PRKCQ: variants seen among roughly 807,000 people sequenced by gnomAD.
The protein encoded by PRKCQ is protein kinase C theta type.
A neutral mutation model predicts 91.2 loss-of-function variants in PRKCQ; 41 were observed. That is an observed-to-expected ratio of 0.45 (90% CI 0.35 to 0.58). The LOEUF (loss-of-function observed/expected upper bound fraction) is 0.58, where lower values mean the gene tolerates loss of function less well. Among genes scored for constraint, PRKCQ ranks in the 20% least tolerant of loss-of-function variants. PRKCQ has a pLI of 0.00. For missense variants in PRKCQ, 673 were observed against 896.5 expected, an observed-to-expected ratio of 0.75 and a Z score of 3.18; for synonymous variants, 307 against 316.9, an observed-to-expected ratio of 0.97 and a Z score of 0.33.
intron 1 of PRKCQ, among the ~76,000 whole-genome samples, chr10:6,542,142 A>G (rs1331141013): frequency 6.6e-6 from 1 of 152,212 alleles, no homozygotes; most frequent in Non-Finnish European, 1.5e-5. Flanking sequence ...TACAAAGCTC[A>G]ATGAAGGACA....
At position 6,428,008 on chromosome 10, in the gene PRKCQ, C is replaced by G; in HGVS notation, c.*199G>C. Reference sequence around the variant, plus strand: ...AGCGTCTGTGAGACATGTCAGGAGACGAGACACACGGCATCGTCATTAGTG... The same window carrying G: ...AGCGTCTGTGAGACATGTCAGGAGAGGAGACACACGGCATCGTCATTAGTG... On this transcript the variant is annotated 3_prime_UTR_variant, in exon 18 of 18. Coordinates refer to ENST00000263125, the MANE Select transcript of PRKCQ (RefSeq NM_006257.5). The G allele has an allele frequency of 1.6e-6, 1 of 625,736 alleles. No individual in the cohort carries two copies. The highest frequency in any genetic ancestry group is 3.0e-5 in the Admixed American group (1 of 32,956). 38.8% of individuals were successfully genotyped at this position (625,736 alleles called of 1,614,324 possible).
At chr10:6,574,400 C>T (rs1462317865) in intron 1 of PRKCQ, among the ~76,000 whole-genome samples, 1 of 152,178 alleles carries the variant, frequency 6.6e-6, no homozygotes, top group African/African-American at 2.4e-5. Context: ...GACAACTCTA[C>T]GGGACAGTCT....
At chr10:6,543,100 GCT>G (rs1024025211) in intron 1 of PRKCQ, among the ~76,000 whole-genome samples, 4 of 152,190 alleles carry the variant, frequency 2.6e-5, no homozygotes, top group Admixed American at 6.5e-5. Context: ...TCCCTGGAGA[GCT>G]CAGCCCTTTC....
At chr10:6,555,989 A>G (rs1840397530) in intron 1 of PRKCQ, among the ~76,000 whole-genome samples, 1 of 152,198 alleles carries the variant, frequency 6.6e-6, no homozygotes, top group South Asian at 2.1e-4. Flanking sequence ...AGCCTGGGTA[A>G]CAGAGCGAGA....
chr10:6,407,686 G>A, the PRKCQ span, among the ~76,000 whole-genome samples: 1 of 151,928 alleles, frequency 6.6e-6, no homozygotes, highest in South Asian at 2.1e-4. This position sits in a 1 kb window ranked among gnomAD's most constrained non-coding sequence, Gnocchi z 4.0. Context: ...TGCATGTGAC[G>A]TGTACATACA....
Position 6,574,766 on chromosome 10 carries a change from T to TGCAA in PRKCQ, c.-10+5441_-10+5444dup, listed in dbSNP as rs546445229. Among the ~76,000 whole-genome samples the TGCAA allele has an allele frequency of 3.8e-4, 58 of 152,342 alleles. No individual in the cohort carries two copies. The East Asian group carries it at 9.8e-3, about 26-fold the overall frequency. ...CTTACTCTGCTCATTTCCACTCATC[T>TGCAA]GCAAGGCTTAGACTGGACTGCACTG... On this transcript the variant is annotated intron_variant, in intron 1 of 17. Coordinates refer to ENST00000263125, the MANE Select transcript of PRKCQ (RefSeq NM_006257.5).
rs1841232961 is a variant in PRKCQ at position 6,576,250 on chromosome 10, T to C, written c.-10+3961A>G. 6.6e-6 allele frequency among the ~76,000 whole-genome samples: 1 copy of C among 152,158 alleles called. No individual in the cohort carries two copies. The highest frequency in any genetic ancestry group is 2.4e-5 in the African/African-American group (1 of 41,416). ...GAAAGCAGGACCTCAAACAGATATCTGCGTGTTCCTCTTCACGGCAGCATT... is the reference window on the plus strand; with the variant it reads ...GAAAGCAGGACCTCAAACAGATATCCGCGTGTTCCTCTTCACGGCAGCATT... On this transcript the variant is annotated intron_variant, in intron 1 of 17. Coordinates refer to ENST00000263125, the MANE Select transcript of PRKCQ (RefSeq NM_006257.5). This position sits in a 1 kb window ranked among gnomAD's most constrained non-coding sequence, Gnocchi z 4.2.
chr10:6,542,433 G>A (rs754115022), intron 1 of PRKCQ, among the ~76,000 whole-genome samples: 1 of 152,234 alleles, frequency 6.6e-6, no homozygotes, highest in East Asian at 1.9e-4. Flanking sequence ...TACTCATTGA[G>A]CATGGATTTT....
chr10:6,404,255 G>GGAGAGAGAGAGAGAGAGAGAGA, the PRKCQ span, among the ~76,000 whole-genome samples: 3 of 34,360 alleles, frequency 8.7e-5, no homozygotes, highest in African/African-American at 2.5e-4. Flanking sequence ...GAAGGGGGGG[G>GGAGAGAGAGAGAGAGAGAGAGA]GAGAGAGAGA....
At chr10:6,481,065 C>T (rs1836572141) in intron 11 of PRKCQ, among the ~76,000 whole-genome samples, 2 of 152,166 alleles carry the variant, frequency 1.3e-5, no homozygotes, top group Non-Finnish European at 2.9e-5. Context: ...AGAGAAACAG[C>T]CATCCTGTCT....
rs1834368989 is a variant in PRKCQ at position 6,447,375 on chromosome 10, C to T, written c.1648-5294G>A. Among the ~76,000 whole-genome samples, 4 of 149,254 alleles carry T rather than the reference C, an allele frequency of 2.7e-5. No individual in the cohort carries two copies. In the South Asian group the frequency reaches 8.4e-4, roughly 31 times the overall value. ...CGAGCCATGATTGTGCCACTGCACT[C>T]CAGCCTGGGCAACAGAGCAAGACTC... is the stretch of plus-strand genomic sequence containing the variant. On this transcript the variant is annotated intron_variant, in intron 15 of 17. Transcript: ENST00000263125.
intron 1 of PRKCQ, among the ~76,000 whole-genome samples, chr10:6,579,921 G>A (rs1841402249): frequency 6.6e-6 from 1 of 151,248 alleles, no homozygotes; most frequent in African/African-American, 2.4e-5. Flanking sequence ...CAGGTGAGAA[G>A]GAAAAGGGAG....
intron 14 of PRKCQ, among the ~76,000 whole-genome samples, chr10:6,460,650 C>T (rs1008153585): frequency 1.3e-5 from 2 of 152,158 alleles, no homozygotes; most frequent in Non-Finnish European, 2.9e-5. Context: ...GGCCACTACA[C>T]CCAGCTAATT....
rs1300189239 is a variant in PRKCQ, at chr10:6,511,058, G to C, written c.255C>G (p.Thr85=). The C allele has an allele frequency of 6.2e-7, 1 of 1,614,014 alleles. No individual in the cohort carries two copies. The highest frequency in any genetic ancestry group is 1.3e-5 in the African/African-American group (1 of 74,914). The change falls in exon 3 of 18, where the codon ACC becomes ACG. Residue 85 remains threonine (T), a synonymous_variant. Coordinates refer to ENST00000263125, the MANE Select transcript of PRKCQ (RefSeq NM_006257.5). ...KGKNVDLISE[T]TVELYSLAER... ...CAGCCAGCGAGTAGAGCTCCACGGT[G>C]GTTTCAGAGATGAGGTCCACGTTTT... is the stretch of plus-strand genomic sequence containing the variant.
At chr10:6,435,728 C>T (rs181170203) in intron 16 of PRKCQ, among the ~76,000 whole-genome samples, 214 of 152,264 alleles carry the variant, frequency 1.4e-3, no homozygotes, top group African/African-American at 4.8e-3. Flanking sequence ...CAAAAAATGT[C>T]GTAATGTCAT....
At chr10:6,420,283 C>T in the PRKCQ span, among the ~76,000 whole-genome samples, 2 of 152,180 alleles carry the variant, frequency 1.3e-5, no homozygotes, top group African/African-American at 4.8e-5. Flanking sequence ...ACCATGCCTT[C>T]GAATCTGTGA....
At chr10:6,566,950 T>C (rs944123307) in intron 1 of PRKCQ, among the ~76,000 whole-genome samples, 3 of 152,164 alleles carry the variant, frequency 2.0e-5, no homozygotes, top group African/African-American at 7.2e-5. Flanking sequence ...AACCTTCATA[T>C]TGGTAACTGG....
intron 1 of PRKCQ, among the ~76,000 whole-genome samples, chr10:6,565,545 C>T (rs144284439): frequency 6.6e-6 from 1 of 152,262 alleles, no homozygotes; most frequent in Non-Finnish European, 1.5e-5. Context: ...GCAATGTTCG[C>T]CTTTTTTTTG....
At chr10:6,410,754 G>T in the PRKCQ span, among the ~76,000 whole-genome samples, 2 of 151,918 alleles carry the variant, frequency 1.3e-5, no homozygotes, top group Non-Finnish European at 2.9e-5. Context: ...AGGCCAAGGC[G>T]GGTGGATCAC....
Sources: gnomAD v4.1 joint callset for allele counts (sites outside exome capture counted in the v4.1 genomes callset) on GRCh38, gnomAD v4.1.1 for gene constraint, Gnocchi (gnomAD v3.1) non-coding constraint, MANE v1.5 for transcripts, NCBI Gene and HGNC (gene_info 2026-07-23, HGNC 2026-07-21) for gene names.